The following PPFIA2 variants were observed in gnomAD, a reference collection of about 807,000 sequenced individuals.
The protein encoded by PPFIA2 is liprin-alpha-2.
A neutral mutation model predicts 175.5 loss-of-function variants in PPFIA2; 46 were observed. That is an observed-to-expected ratio of 0.26 (90% CI 0.21 to 0.34). The LOEUF is 0.34. Among genes scored for constraint, PPFIA2 ranks in the 10% least tolerant of loss-of-function variants. The probability of loss-of-function intolerance (pLI) is 1.00; values close to 1 mark genes in which losing one functional copy is unlikely to be tolerated. For synonymous variants in PPFIA2, 568 were observed against 511.4 expected (o/e 1.11, Z -1.49); for missense variants, 1,179 against 1,506.1 (o/e 0.78, Z 3.60).
intron 4 of PPFIA2, among the ~76,000 whole-genome samples, chr12:81,664,951 A>C (rs61933829): frequency 0.097 from 14,720 of 151,296 alleles, 934 homozygotes; most frequent in South Asian, 0.17. Context: ...AAAACCAAAC[A>C]CCACATGTTC....
chr12:81,523,149 G>A (rs2063349846), intron 4 of PPFIA2, among the ~76,000 whole-genome samples: 1 of 152,140 alleles, frequency 6.6e-6, no homozygotes, highest in Non-Finnish European at 1.5e-5. Flanking sequence ...AGGGAGGATG[G>A]GATATACATT....
intron 4 of PPFIA2, among the ~76,000 whole-genome samples, chr12:81,562,086 G>T (rs1425346964): frequency 6.6e-6 from 1 of 152,022 alleles, no homozygotes; most frequent in Non-Finnish European, 1.5e-5. Context: ...AAGTTTTGTT[G>T]TCTCTTAAAA....
intron 3 of PPFIA2, among the ~76,000 whole-genome samples, chr12:81,705,911 T>A (rs1011603200): frequency 2.1e-4 from 32 of 152,374 alleles, no homozygotes; most frequent in African/African-American, 7.0e-4. Flanking sequence ...CAGCTACTAG[T>A]CACAGATAGG....
intron 4 of PPFIA2, among the ~76,000 whole-genome samples, chr12:81,534,252 T>C (rs2065062587): frequency 6.6e-6 from 1 of 151,560 alleles, no homozygotes; most frequent in African/African-American, 2.4e-5. Flanking sequence ...GTTCTAAAAG[T>C]CCATAGCAGA....
chr12:81,376,343 A>T lies in PPFIA2; in HGVS notation c.985-401T>A, dbSNP rs372221635. On this transcript the variant is annotated intron_variant, in intron 9 of 32. Coordinates refer to ENST00000549396, the MANE Select transcript of PPFIA2 (RefSeq NM_003625.5). ...GTTCTAAATTGTAAAGCAGTCTTCA[A>T]ATAGATAACAAATACCATCCGTATT... 1.4e-4 allele frequency among the ~76,000 whole-genome samples: 22 copies of T among 152,296 alleles called. No homozygotes were observed. In the East Asian group the frequency reaches 3.9e-3, roughly 27 times the overall value.
At chr12:81,317,314 A>G (rs141894264) in intron 22 of PPFIA2, among the ~76,000 whole-genome samples, 8 of 151,714 alleles carry the variant, frequency 5.3e-5, no homozygotes, top group African/African-American at 1.9e-4. Context: ...TATGGACTAC[A>G]TAAAGCCATT....
chr12:81,755,439 A>T (rs906259168), intron 2 of PPFIA2, among the ~76,000 whole-genome samples: 1 of 152,176 alleles, frequency 6.6e-6, no homozygotes. Flanking sequence ...GTTTGGTTTT[A>T]TAATGCAAGG....
chr12:81,735,794 T>G (rs571217259), intron 3 of PPFIA2, among the ~76,000 whole-genome samples: 4 of 151,986 alleles, frequency 2.6e-5, no homozygotes, highest in Admixed American at 2.6e-4. Context: ...TTAGTCTTTG[T>G]GCATTTGAAT....
chr12:81,553,757 G>C (rs1356395417), intron 4 of PPFIA2, among the ~76,000 whole-genome samples: 2 of 151,970 alleles, frequency 1.3e-5, no homozygotes, highest in South Asian at 4.1e-4. Flanking sequence ...GAGAGACTTT[G>C]GGTGAGAATT....
chr12:81,293,210 A>C (rs2045509429), intron 24 of PPFIA2, among the ~76,000 whole-genome samples: 1 of 152,032 alleles, frequency 6.6e-6, no homozygotes, highest in Non-Finnish European at 1.5e-5. Flanking sequence ...AATTATCAGA[A>C]ATAATATACT....
intron 22 of PPFIA2, among the ~76,000 whole-genome samples, chr12:81,318,403 C>T (rs1382782162): frequency 6.6e-6 from 1 of 151,682 alleles, no homozygotes; most frequent in African/African-American, 2.4e-5. Flanking sequence ...AAAGTTTTTT[C>T]TTAGGAGCTA....
intron 7 of PPFIA2, among the ~76,000 whole-genome samples, chr12:81,435,722 A>T (rs2048860935): frequency 6.6e-6 from 1 of 152,158 alleles, no homozygotes; most frequent in African/African-American, 2.4e-5. Flanking sequence ...ATGCGTATGT[A>T]TGAATATATC....
intron 4 of PPFIA2, among the ~76,000 whole-genome samples, chr12:81,461,859 A>G (rs181916666): frequency 6.6e-6 from 1 of 151,932 alleles, no homozygotes; most frequent in Non-Finnish European, 1.5e-5. Context: ...AGCCTTCTTA[A>G]TGCTTTAAAA....
chr12:81,365,980 C>CCTTCCTTCCTTCCTTCCTTCCTTCCTT (rs2033170059), intron 14 of PPFIA2, among the ~76,000 whole-genome samples: 1 of 52,826 alleles, frequency 1.9e-5, no homozygotes, highest in African/African-American at 1.0e-4. Context: ...CTCCCTCCCT[C>CCTTCCTTCCTTCCTTCCTTCCTTCCTT]CCTCCCTTCC....
At chr12:81,353,079 C>A in intron 17 of PPFIA2, 40 bp downstream of exon 17, 2 of 1,556,818 alleles carry the variant, frequency 1.3e-6, no homozygotes, top group Non-Finnish European at 1.8e-6. Flanking sequence ...GTATCAAGGT[C>A]TTCTAATTTC....
At chr12:81,741,795 AAAGT>A (rs1436683586) in intron 3 of PPFIA2, among the ~76,000 whole-genome samples, 1 of 152,194 alleles carries the variant, frequency 6.6e-6, no homozygotes, top group Non-Finnish European at 1.5e-5. Context: ...AAGAAAGAGA[AAAGT>A]AAGATAAAGA....
chr12:81,705,117 C>T (rs1250000028), intron 3 of PPFIA2, among the ~76,000 whole-genome samples: 4 of 139,844 alleles, frequency 2.9e-5, no homozygotes, highest in African/African-American at 1.0e-4. Context: ...AAAAAGAACC[C>T]ATCTTCTGTC....
At chr12:81,455,695 C>G (rs945855740) in intron 5 of PPFIA2, among the ~76,000 whole-genome samples, 2 of 152,162 alleles carry the variant, frequency 1.3e-5, no homozygotes, top group African/African-American at 4.8e-5. Flanking sequence ...AAATTCATCA[C>G]AATTAGATAC....
At chr12:81,305,951 G>C (rs1030254250) in intron 22 of PPFIA2, among the ~76,000 whole-genome samples, 6 of 152,088 alleles carry the variant, frequency 3.9e-5, no homozygotes, top group Non-Finnish European at 8.8e-5. Flanking sequence ...GTTTATCTCT[G>C]TCAGTGAAAA....
Sources: gnomAD v4.1 joint callset for allele counts (sites outside exome capture counted in the v4.1 genomes callset) on GRCh38, gnomAD v4.1.1 for gene constraint, MANE v1.5 for transcripts, NCBI Gene and HGNC (gene_info 2026-07-23, HGNC 2026-07-21) for gene names.